Variants in SSPN observed in about 807,000 individuals in gnomAD.
The protein encoded by SSPN is K-ras oncogene-associated protein.
A neutral mutation model predicts 19.1 loss-of-function variants in SSPN; 15 were observed. The ratio of observed to expected loss-of-function variants is 0.78; its 90% CI spans 0.52 to 1.21. The LOEUF is 1.21. SSPN is among the 50% of genes most tolerant of loss of function. SSPN has a pLI of 0.00. For missense variants in SSPN, 291 were observed against 314.0 expected (o/e 0.93, Z 0.55); for synonymous variants, 147 against 140.3 (o/e 1.05, Z -0.34).
In SSPN at chr12:26,144,148, GA is replaced by G. The variant is rs1944476349; in HGVS notation, c.-31+22001del. ...ACCATCGCCACCACCCCAGTCTATG[GA>G]AAAATTGTCTTCCATGAAACTGGTC... On this transcript the variant is annotated intron_variant, in intron 1 of 2. Transcript: ENST00000538142. Among the ~76,000 whole-genome samples, 4 of 152,268 alleles carry G rather than the reference GA, an allele frequency of 2.6e-5. No individual in the cohort carries two copies. In the South Asian group the frequency reaches 8.3e-4, roughly 32 times the overall value.
At chr12:26,131,718 CT>C (rs1421823040) in intron 1 of SSPN, among the ~76,000 whole-genome samples, 1 of 152,210 alleles carries the variant, frequency 6.6e-6, no homozygotes, top group Non-Finnish European at 1.5e-5. Flanking sequence ...GAGAATCTAT[CT>C]TTGGAGCATT....
intron 1 of SSPN, among the ~76,000 whole-genome samples, chr12:26,130,696 G>A (rs1441132491): frequency 6.6e-6 from 1 of 152,078 alleles, no homozygotes; most frequent in Non-Finnish European, 1.5e-5. Context: ...TTCTTTTTTG[G>A]TCACATAAAA....
chr12:26,167,151 T>G (rs1490840979), intron 1 of SSPN, among the ~76,000 whole-genome samples: 1 of 152,240 alleles, frequency 6.6e-6, no homozygotes, highest in Non-Finnish European at 1.5e-5. Flanking sequence ...ATTAATTCGG[T>G]TATCCAACAA....
At chr12:26,200,053 T>A (rs999469872) in intron 1 of SSPN, among the ~76,000 whole-genome samples, 3 of 152,226 alleles carry the variant, frequency 2.0e-5, no homozygotes, top group African/African-American at 7.2e-5. Context: ...CCAGTGAATA[T>A]GTTTAGTATT....
chr12:26,195,694 C>T lies in SSPN; in HGVS notation c.22C>T (p.Arg8Cys). The T allele has an allele frequency of 7.2e-7, 1 of 1,390,874 alleles. No individual in the cohort carries two copies. Among genetic ancestry groups the T allele is most frequent in the Non-Finnish European group, 9.3e-7 (1 of 1,078,492 alleles). The allele number at this position is 1,390,874 out of a possible 1,614,324, so 86.2% of individuals were successfully genotyped here. Residue 8 changes from arginine (R) to cysteine (C), a missense_variant, in exon 1 of 3, where the codon CGC becomes TGC. Coordinates refer to ENST00000242729, the MANE Select transcript of SSPN (RefSeq NM_005086.5). ...CGCCATGGGCAAGAACAAGCAGCCACGCGGCCAGCAGAGGCAGGGGGGCCC... is the reference window on the plus strand; with the variant it reads ...CGCCATGGGCAAGAACAAGCAGCCATGCGGCCAGCAGAGGCAGGGGGGCCC... Reference protein sequence around the residue: MGKNKQPRGQQRQGGPPA... With the variant: MGKNKQPCGQQRQGGPPA...
intron 1 of SSPN, among the ~76,000 whole-genome samples, chr12:26,163,606 T>C (rs1272881460): frequency 6.6e-6 from 1 of 152,206 alleles, no homozygotes; most frequent in African/African-American, 2.4e-5. Context: ...GGTAGCTGAA[T>C]GCATCCTGAA....
intron 2 of SSPN, among the ~76,000 whole-genome samples, chr12:26,225,117 CTT>C (rs577187745): frequency 6.8e-6 from 1 of 147,570 alleles, no homozygotes; most frequent in Admixed American, 6.8e-5. Context: ...TATCTTTAAT[CTT>C]TTTTTTTTTA....
intron 1 of SSPN, among the ~76,000 whole-genome samples, chr12:26,127,761 C>T (rs1944375011): frequency 6.6e-6 from 1 of 151,944 alleles, no homozygotes; most frequent in Non-Finnish European, 1.5e-5. Context: ...TTTGATCTTT[C>T]ACCCTGGTGA....
chr12:26,226,506 T>A lies in SSPN; in HGVS notation c.366+2127T>A, dbSNP rs376070523. Among the ~76,000 whole-genome samples, 369 of 152,224 alleles carry A rather than the reference T, an allele frequency of 2.4e-3. 2 individuals are homozygous for A. Among genetic ancestry groups the A allele is most frequent in the South Asian group, 9.9e-3 (48 of 4,830 alleles). On this transcript the variant is annotated intron_variant, in intron 2 of 2. Coordinates refer to ENST00000242729, the MANE Select transcript of SSPN (RefSeq NM_005086.5). Reference sequence around the variant, plus strand: ...TAGAGAAAATAGCCACGGGCTCTTTTTTTTTTCTCAAGCTGGGACAGCCCT... The same window carrying A: ...TAGAGAAAATAGCCACGGGCTCTTTATTTTTTCTCAAGCTGGGACAGCCCT...
At chr12:26,201,098 C>T (rs899329450) in intron 1 of SSPN, among the ~76,000 whole-genome samples, 11 of 140,142 alleles carry the variant, frequency 7.8e-5, no homozygotes, top group South Asian at 6.5e-4. Flanking sequence ...TTGGTGAGGC[C>T]GGGCATGGTG....
intron 1 of SSPN, among the ~76,000 whole-genome samples, chr12:26,131,021 G>T (rs1181521724): frequency 6.6e-6 from 1 of 152,152 alleles, no homozygotes; most frequent in Non-Finnish European, 1.5e-5. Context: ...AGGGGAAGTG[G>T]AGACTAGATA....
chr12:26,161,477 G>A (rs1253185097), intron 1 of SSPN, among the ~76,000 whole-genome samples: 12 of 152,040 alleles, frequency 7.9e-5, no homozygotes, highest in African/African-American at 2.2e-4. Flanking sequence ...GCAATTTAGC[G>A]CCCACCACTG....
chr12:26,156,142 A>G (rs1274420975), intron 1 of SSPN, among the ~76,000 whole-genome samples: 1 of 152,246 alleles, frequency 6.6e-6, no homozygotes, highest in Non-Finnish European at 1.5e-5. Flanking sequence ...ACCTTATGTG[A>G]TTAAGATGCA....
intron 1 of SSPN, among the ~76,000 whole-genome samples, chr12:26,219,970 C>T (rs1287397554): frequency 6.6e-6 from 1 of 152,174 alleles, no homozygotes; most frequent in African/African-American, 2.4e-5. Context: ...CTAGGAATGT[C>T]ATTCCAGATA....
intron 1 of SSPN, among the ~76,000 whole-genome samples, chr12:26,220,124 T>C (rs951597144): frequency 1.3e-5 from 2 of 151,948 alleles, no homozygotes; most frequent in East Asian, 3.9e-4. Context: ...TGGTTTTCTC[T>C]CCATGGCCAG....
intron 1 of SSPN, among the ~76,000 whole-genome samples, chr12:26,169,843 A>C (rs1347605352): frequency 1.3e-5 from 2 of 152,200 alleles, no homozygotes; most frequent in African/African-American, 4.8e-5. Context: ...GTTATGTGGA[A>C]GCAGAAGGAT....
At chr12:26,122,521 C>A (rs1490736347) in intron 1 of SSPN, 1 of 1,286,784 alleles carries the variant, frequency 7.8e-7, no homozygotes, top group Admixed American at 3.0e-5. Flanking sequence ...GCGCCTCCGC[C>A]TCCGCCGAAC....
chr12:26,147,453 T>A (rs1194977315), intron 1 of SSPN, among the ~76,000 whole-genome samples: 1 of 152,134 alleles, frequency 6.6e-6, no homozygotes, highest in Non-Finnish European at 1.5e-5. Context: ...TGTATTTTTG[T>A]AGAGATGGGG....
intron 1 of SSPN, among the ~76,000 whole-genome samples, chr12:26,185,492 G>A (rs1383325012): frequency 6.6e-6 from 1 of 152,136 alleles, no homozygotes; most frequent in African/African-American, 2.4e-5. Context: ...CACTCACACA[G>A]CACCTTGTAC....
Sources: gnomAD v4.1 joint callset for allele counts (sites outside exome capture counted in the v4.1 genomes callset) on GRCh38, gnomAD v4.1.1 for gene constraint, MANE v1.5 for transcripts, NCBI Gene and HGNC (gene_info 2026-07-23, HGNC 2026-07-21) for gene names.